The following NCOA4 variants were observed in gnomAD, a reference collection of about 807,000 sequenced individuals.
The protein encoded by NCOA4 is nuclear receptor coactivator 4, also known as 70 kDa AR-activator.
Under a neutral mutation model 69.5 loss-of-function variants are expected in NCOA4, and 31 were observed. The observed-to-expected ratio is 0.45, with a 90% CI of 0.34 to 0.60. NCOA4 has a LOEUF of 0.60. NCOA4 is among the 20% of genes least tolerant of loss of function. The pLI is 0.02. For missense variants in NCOA4, 600 were observed against 719.2 expected (o/e 0.83, Z 1.90); for synonymous variants, 228 against 252.4 (o/e 0.90, Z 0.92).
intron 7 of NCOA4, among the ~76,000 whole-genome samples, chr10:46,012,110 A>AAAAAGAAAAG (rs1839268905): frequency 6.8e-6 from 1 of 147,798 alleles, no homozygotes; most frequent in Non-Finnish European, 1.5e-5. Context: ...AAAACGAAAA[A>AAAAAGAAAAG]AGAAAATACT....
chr10:46,027,534 T>C (rs2132391066), intron 1 of NCOA4: 3 of 1,474,734 alleles, frequency 2.0e-6, no homozygotes, highest in Non-Finnish European at 2.7e-6. Flanking sequence ...CATAACTGTA[T>C]GAAAACAAAG....
intron 8 of NCOA4, 65 bp from the exon 9 acceptor site, chr10:46,009,616 C>T: frequency 1.4e-6 from 2 of 1,415,754 alleles, no homozygotes; most frequent in Non-Finnish European, 1.9e-6. Context: ...AACTTATCTT[C>T]CAAATAGGGT....
At chr10:46,015,031 C>T in intron 3 of NCOA4, 89 bp from the exon 4 acceptor site, 1 of 1,591,700 alleles carries the variant, frequency 6.3e-7, no homozygotes, top group Non-Finnish European at 8.6e-7. Flanking sequence ...GATTAAACTT[C>T]TATCTGATCT....
rs1554921153 is a variant in NCOA4 at position 46,010,770 on chromosome 10, A to G, written c.1151T>C (p.Met384Thr). Residue 384 changes from methionine to threonine, a missense_variant, in exon 8 of 10, where the codon ATG becomes ACG. Met to Thr is a moderately conservative substitution (Grantham distance 81). Coordinates refer to ENST00000581486, the MANE Select transcript of NCOA4 (RefSeq NM_001145263.2). ...EAKKPLSTPS[M>T]VTEDWLVQNH... The stretch of plus-strand genomic sequence containing the variant: ...CTGGACAAGCCAATCCTCTGTAACC[A>G]TGCTGGGGGTGGACAATGGTTTCTT... 1 of 1,613,882 alleles carries G rather than the reference A, an allele frequency of 6.2e-7. No individual in the cohort carries two copies. Among genetic ancestry groups the G allele is most frequent in the Middle Eastern group, 1.7e-4 (1 of 6,056 alleles).
chr10:46,015,494 C>T (rs563973755), intron 2 of NCOA4, among the ~76,000 whole-genome samples: 43 of 152,218 alleles, frequency 2.8e-4, no homozygotes, highest in African/African-American at 1.0e-3. Context: ...CCCAAGGACC[C>T]ACTAAAGCCC....
At position 46,014,931 on chromosome 10, in the gene NCOA4, C is replaced by T. The variant is rs782288154; in HGVS notation, c.294G>A (p.Gln98=). The T allele has an allele frequency of 8.1e-6, 13 of 1,613,880 alleles. No homozygotes were observed. Among genetic ancestry groups the T allele is most frequent in the Non-Finnish European group, 1.1e-5 (13 of 1,179,906 alleles). Residue 98 remains glutamine, a synonymous_variant, in exon 4 of 10, where the codon CAG becomes CAA. Transcript: ENST00000581486. ...CCAGTTGATGAGTAAGACAATTGAA[C>T]TGGCCCAATAACTAAAAGAAAAATG... The part of the protein sequence containing the change: ...QAQQLYSLLG[Q]FNCLTHQLEC...
chr10:46,011,599 C>T lies in NCOA4; in HGVS notation c.715-393G>A, dbSNP rs531255136. Among the ~76,000 whole-genome samples the T allele has an allele frequency of 2.6e-5, 4 of 152,102 alleles. No individual in the cohort carries two copies. The South Asian group carries it at 8.3e-4, about 32-fold the overall frequency. On this transcript the variant is annotated intron_variant, in intron 7 of 9. Coordinates refer to ENST00000581486, the MANE Select transcript of NCOA4 (RefSeq NM_001145263.2). ...CCTGTCTGCATATTTACTGTCTTGC[C>T]CAGTGTTTTGAAATTTAAGTACACA...
rs782616407 is a variant in NCOA4 at position 46,010,663 on chromosome 10, C to T, written c.1258G>A (p.Glu420Lys). The change falls in exon 8 of 10, where the codon GAG becomes AAG. Residue 420 changes from glutamate to lysine, a missense_variant. Physicochemically the swap from Glu to Lys is moderately conservative, Grantham distance 56. Coordinates refer to ENST00000581486, the MANE Select transcript of NCOA4 (RefSeq NM_001145263.2). ...TACAGAGCCTCCTTCTCACAATTCT[C>T]ATCACACACACACTCTGCAAAGCTT... is the stretch of plus-strand genomic sequence containing the variant. Reference protein sequence around the residue: ...CTSFAECVCDENCEKEALYKW... With the variant: ...CTSFAECVCDKNCEKEALYKW... The T allele has an allele frequency of 3.7e-6, 6 of 1,614,084 alleles. No homozygotes were observed. The highest frequency in any genetic ancestry group is 3.3e-5 in the South Asian group (3 of 91,088).
At chr10:46,027,631 C>T (rs1156455129) in intron 1 of NCOA4, 2 of 684,710 alleles carry the variant, frequency 2.9e-6, no homozygotes, top group Admixed American at 2.8e-5. Flanking sequence ...TTCTACAGTT[C>T]TTCCATGAAA....
At position 46,006,401 on chromosome 10, in the gene NCOA4, A is replaced by T. The variant is rs1838809538; in HGVS notation, c.*191T>A. The T allele has an allele frequency of 3.3e-6, 2 of 612,278 alleles. No individual in the cohort carries two copies. The highest frequency in any genetic ancestry group is 5.2e-5 in the Admixed American group (2 of 38,600). The allele number at this position is 612,278 out of a possible 1,614,324, so 37.9% of individuals were successfully genotyped here. A position where few individuals can be genotyped will look rare whatever the true frequency, so the allele number is the denominator to read the frequency against. ...GAACTGAATCACCTCAGCATGAATA[A>T]ACAGCATTTTTCTTTTAAACAGTAA... On this transcript the variant is annotated 3_prime_UTR_variant, in exon 10 of 10. Coordinates refer to ENST00000581486, the MANE Select transcript of NCOA4 (RefSeq NM_001145263.2).
intron 7 of NCOA4, 71 bp downstream of exon 7, chr10:46,012,812 G>A (rs1335097153): frequency 1.9e-6 from 3 of 1,549,446 alleles, no homozygotes; most frequent in Admixed American, 1.8e-5. Flanking sequence ...ATGACACATA[G>A]TACTACTGAT....
chr10:46,006,105 T>A lies in NCOA4; in HGVS notation c.*487A>T, dbSNP rs182769707. 79 of 216,878 alleles carry A rather than the reference T, an allele frequency of 3.6e-4. No homozygotes were observed. Among genetic ancestry groups the A allele is most frequent in the African/African-American group, 1.7e-3 (75 of 44,536 alleles). 13.4% of individuals were successfully genotyped at this position (216,878 alleles called of 1,614,324 possible). A position where few individuals can be genotyped will look rare whatever the true frequency, so the allele number is the denominator to read the frequency against. The stretch of plus-strand genomic sequence containing the variant: ...ACCAGGTTAATTTTTTTGTGCAAAA[T>A]ACACTATGTATTAATAGAACAGGAA... On this transcript the variant is annotated 3_prime_UTR_variant, in exon 10 of 10. Transcript: ENST00000581486.
At position 46,014,437 on chromosome 10, in the gene NCOA4, T is replaced by A; in HGVS notation, c.480+7A>T. ...AAGTGCCCAGTGAAGCATATGAGAT[T>A]ACTCACAATGGTTTTGAGAGACCCA... On this transcript the variant is annotated splice_region_variant and intron_variant, in intron 5 of 9. Coordinates refer to ENST00000581486, the MANE Select transcript of NCOA4 (RefSeq NM_001145263.2). The A allele has an allele frequency of 6.3e-7, 1 of 1,583,690 alleles. No homozygotes were observed. The highest frequency in any genetic ancestry group is 8.7e-7 in the Non-Finnish European group (1 of 1,153,590).
rs1839100254 is a variant in NCOA4, at chr10:46,009,930, AC to A, written c.1698+292del. Among the ~76,000 whole-genome samples, 788 of 152,232 alleles carry A rather than the reference AC, an allele frequency of 5.2e-3. 8 individuals are homozygous for A. Among genetic ancestry groups the A allele is most frequent in the African/African-American group, 0.018 (753 of 41,540 alleles). ...GCCTGTAATCCCAGCAGTTTAGGAG[AC>A]CAAGACGGGCAGATCGCTTAAGCTC... is the stretch of plus-strand genomic sequence containing the variant. On this transcript the variant is annotated intron_variant, in intron 8 of 9. Coordinates refer to ENST00000581486, the MANE Select transcript of NCOA4 (RefSeq NM_001145263.2).
intron 8 of NCOA4, 131 bp from the exon 9 acceptor site, chr10:46,009,682 G>T (rs1839085197): frequency 4.8e-6 from 4 of 830,470 alleles, no homozygotes; most frequent in African/African-American, 1.7e-5. Context: ...AAACAAAGGT[G>T]ACAATTGTTA....
chr10:46,019,367 A>T (rs1839738527), intron 1 of NCOA4: 1 of 985,444 alleles, frequency 1.0e-6, no homozygotes, highest in East Asian at 1.1e-4. Flanking sequence ...GGAGAGCTGG[A>T]GCGTGATGGG....
chr10:46,010,077 G>A (rs1354008703), intron 8 of NCOA4, 146 bp downstream of exon 8: 6 of 992,866 alleles, frequency 6.0e-6, no homozygotes, highest in Non-Finnish European at 7.2e-6. Flanking sequence ...TGCGGGCAGG[G>A]GGATGGCTGG....
intron 1 of NCOA4, 140 bp downstream of exon 1, chr10:46,030,386 G>A (rs1290604726): frequency 1.3e-5 from 2 of 151,748 alleles, no homozygotes; most frequent in Non-Finnish European, 2.9e-5. Context: ...AGAGGTGCCC[G>A]GGCCTGGCGT....
intron 6 of NCOA4, 70 bp from the exon 7 acceptor site, chr10:46,013,096 C>G (rs1839333592): frequency 6.7e-7 from 1 of 1,496,278 alleles, no homozygotes; most frequent in Admixed American, 1.7e-5. Context: ...GAGCCACTCT[C>G]TAATCTTGGC....
Sources: allele counts gnomAD v4.1 joint callset (sites outside exome capture counted in the v4.1 genomes callset), GRCh38; gene constraint gnomAD v4.1.1; transcripts MANE v1.5; gene names NCBI Gene and HGNC (gene_info 2026-07-23, HGNC 2026-07-21).